The following SORBS2 variants were observed in gnomAD, a reference collection of about 807,000 sequenced individuals.
The protein encoded by SORBS2 is sorbin and SH3 domain containing 2.
SORBS2 carries 46 observed loss-of-function variants against 97.7 expected under a neutral mutation model. That is an observed-to-expected ratio of 0.47 (90% CI 0.37 to 0.60). The LOEUF (loss-of-function observed/expected upper bound fraction) is 0.60. Ranked by LOEUF, SORBS2 falls within the 20% of genes least tolerant of loss-of-function variation. The pLI, the probability that SORBS2 is intolerant of heterozygous loss-of-function variation, is 0.00. For missense variants in SORBS2, 1,316 were observed against 1,282.3 expected (o/e 1.03, Z -0.40); for synonymous variants, 476 against 473.4 (o/e 1.01, Z -0.07).
intron 1 of SORBS2, among the ~76,000 whole-genome samples, chr4:185,858,252 A>T (rs765973012): frequency 6.6e-6 from 1 of 152,176 alleles, no homozygotes; most frequent in African/African-American, 2.4e-5. Flanking sequence ...AGTTGGCTTT[A>T]TAGGAAGAGG....
At chr4:185,690,646 G>T in intron 2 of SORBS2, 35 bp from the exon 4 acceptor site, 1 of 886,784 alleles carries the variant, frequency 1.1e-6, no homozygotes, top group Non-Finnish European at 1.7e-6. Context: ...TTGTTCACTA[G>T]CATGTGGAAG....
At chr4:185,802,607 AGAG>A (rs146911278) in intron 1 of SORBS2, among the ~76,000 whole-genome samples, 1,553 of 152,308 alleles carry the variant, frequency 0.01, 33 homozygotes, top group African/African-American at 0.036. Context: ...AAGGTCTGGA[AGAG>A]GAGAGCAGAG....
At chr4:185,849,437 G>A (rs2099216505) in intron 1 of SORBS2, among the ~76,000 whole-genome samples, 1 of 150,740 alleles carries the variant, frequency 6.6e-6, no homozygotes, top group African/African-American at 2.4e-5. Flanking sequence ...TCACAAACTG[G>A]GTTAGATTGT....
At chr4:185,691,360 T>C (rs1401767741) in intron 2 of SORBS2, among the ~76,000 whole-genome samples, 1 of 152,094 alleles carries the variant, frequency 6.6e-6, no homozygotes, top group East Asian at 1.9e-4. Context: ...CTACCGTGCC[T>C]GGTTGAGTTT....
chr4:185,603,986 G>A (rs965449899), intron 12 of SORBS2, among the ~76,000 whole-genome samples: 1 of 152,164 alleles, frequency 6.6e-6, no homozygotes, highest in Non-Finnish European at 1.5e-5. Flanking sequence ...CTGCCGATCG[G>A]TGGGAAATGA....
rs142743398 is a variant in SORBS2, at chr4:185,693,674, C to T, written c.-197-14852G>A. ...AAAACGGAATGAGGAAGACAGTATTCGGGCTAGAATAATAGTGATTGACAA... is the reference window on the plus strand; with the variant it reads ...AAAACGGAATGAGGAAGACAGTATTTGGGCTAGAATAATAGTGATTGACAA... On this transcript the variant is annotated intron_variant, in intron 2 of 20. Coordinates refer to the SORBS2 transcript ENST00000284776. 9.9e-5 allele frequency among the ~76,000 whole-genome samples: 15 copies of T among 152,234 alleles called. No individual in the cohort carries two copies. The East Asian group carries it at 1.7e-3, about 18-fold the overall frequency.
intron 1 of SORBS2, among the ~76,000 whole-genome samples, chr4:185,827,011 G>A (rs572178530): frequency 1.9e-4 from 22 of 115,188 alleles, no homozygotes; most frequent in South Asian, 2.8e-4. Flanking sequence ...CCCTGACTAC[G>A]TCATCATCAT....
chr4:185,839,599 G>C (rs545286484), intron 1 of SORBS2, among the ~76,000 whole-genome samples: 11 of 152,176 alleles, frequency 7.2e-5, no homozygotes, highest in Non-Finnish European at 1.2e-4. Context: ...TGTACTCCAA[G>C]CTTTATGTGC....
intron 1 of SORBS2, among the ~76,000 whole-genome samples, chr4:185,789,828 TTGC>T (rs1441214459): frequency 3.3e-5 from 5 of 152,182 alleles, no homozygotes; most frequent in Admixed American, 6.5e-5. Context: ...TTAGGTAATT[TTGC>T]TGCTATTCTT....
chr4:185,668,457 T>C (rs1226068955), intron 4 of SORBS2, among the ~76,000 whole-genome samples: 1 of 152,252 alleles, frequency 6.6e-6, no homozygotes, highest in Non-Finnish European at 1.5e-5. Context: ...AAATGCCTCG[T>C]GGTGAGTCAC....
rs1205433249 is a variant in SORBS2 at position 185,622,916 on chromosome 4, T to G, written c.2213A>C (p.Gln738Pro). 6 of 1,602,184 alleles carry G rather than the reference T, an allele frequency of 3.7e-6. No individual in the cohort carries two copies. In the African/African-American group the frequency reaches 8.1e-5, roughly 22 times the overall value. ...AAAAGAAAGAAAAGCTCATCCACCT[T>G]GGAGTGCACCGCCACGGTCTTGGTG... Residue 738 changes from glutamine to proline, a missense_variant and splice_region_variant, in exon 7 of 15, where the codon CAA becomes CCA. By Grantham distance (76) the Gln-to-Pro change is moderately conservative. Transcript: ENST00000418609.
chr4:185,809,738 A>G (rs186654187), intron 1 of SORBS2, among the ~76,000 whole-genome samples: 12 of 152,316 alleles, frequency 7.9e-5, no homozygotes, highest in African/African-American at 2.6e-4. Context: ...ATAGGAAAGA[A>G]CTTGCACAGG....
At chr4:185,685,695 T>A (rs1016933706) in intron 2 of SORBS2, among the ~76,000 whole-genome samples, 2 of 152,066 alleles carry the variant, frequency 1.3e-5, no homozygotes, top group Non-Finnish European at 2.9e-5. Context: ...GCTAACGTTT[T>A]AACTTTTTGT....
intron 12 of SORBS2, among the ~76,000 whole-genome samples, chr4:185,604,682 C>T (rs2096364030): frequency 6.6e-6 from 1 of 152,188 alleles, no homozygotes; most frequent in African/African-American, 2.4e-5. Flanking sequence ...TTTGAAACCA[C>T]TAACTTCCTC....
intron 7 of SORBS2, among the ~76,000 whole-genome samples, chr4:185,622,526 T>C (rs536551962): frequency 1.2e-4 from 18 of 152,326 alleles, no homozygotes; most frequent in African/African-American, 4.3e-4. Context: ...GAATATAAAG[T>C]TTTAACGTTA....
Position 185,841,945 on chromosome 4 carries a change from A to C in SORBS2, c.-337-66579T>G, listed in dbSNP as rs138269819. On this transcript the variant is annotated intron_variant, in intron 1 of 20. Coordinates refer to the SORBS2 transcript ENST00000284776. ...CAGGTGGACGGTGAATTAGAAAATTAATTCATTCATTCAGCATTCATGATT... is the reference window on the plus strand; with the variant it reads ...CAGGTGGACGGTGAATTAGAAAATTCATTCATTCATTCAGCATTCATGATT... 5.7e-3 allele frequency among the ~76,000 whole-genome samples: 874 copies of C among 152,294 alleles called. 6 individuals carry two copies. The highest frequency in any genetic ancestry group is 0.014 in the Middle Eastern group (4 of 294).
chr4:185,701,322 A>C (rs2098258899), intron 2 of SORBS2, among the ~76,000 whole-genome samples: 1 of 152,136 alleles, frequency 6.6e-6, no homozygotes, highest in Non-Finnish European at 1.5e-5. Context: ...GCCATGGATC[A>C]CCTTACAGAT....
At position 185,653,698 on chromosome 4, in the gene SORBS2, GA is replaced by G. The variant is rs1395081765; in HGVS notation, c.25-971del. ...AGGGAACTGCAAATATTTGTAGAATGAAATAATGAATGAACGTAGCCTATTG... is the reference window on the plus strand; with the variant it reads ...AGGGAACTGCAAATATTTGTAGAATGAATAATGAATGAACGTAGCCTATTG... On this transcript the variant is annotated intron_variant, in intron 1 of 14. Coordinates refer to ENST00000418609, the Ensembl canonical transcript of SORBS2. 4.6e-5 allele frequency among the ~76,000 whole-genome samples: 7 copies of G among 152,316 alleles called. No homozygotes were observed. In the East Asian group the frequency reaches 1.3e-3, roughly 29 times the overall value.
chr4:185,879,172 C>A lies in SORBS2; in HGVS notation c.-338+77024G>T, dbSNP rs113811797. 4.7e-4 allele frequency among the ~76,000 whole-genome samples: 47 copies of A among 100,314 alleles called. 5 individuals carry two copies. Among genetic ancestry groups the A allele is most frequent in the Admixed American group, 1.5e-3 (17 of 11,038 alleles). 65.8% of individuals were successfully genotyped at this position (100,314 alleles called of 152,430 possible). ...ATCTCCTAATGCTATCCCTCCCCCCCCCCCACCCCACGACAGGCCCCGGTG... is the reference window on the plus strand; with the variant it reads ...ATCTCCTAATGCTATCCCTCCCCCCACCCCACCCCACGACAGGCCCCGGTG... On this transcript the variant is annotated intron_variant, in intron 1 of 20. Coordinates refer to the SORBS2 transcript ENST00000284776.
Sources: allele counts gnomAD v4.1 joint callset (sites outside exome capture counted in the v4.1 genomes callset), GRCh38; gene constraint gnomAD v4.1.1; transcripts MANE v1.5; gene names NCBI Gene and HGNC (gene_info 2026-07-23, HGNC 2026-07-21).